The following SORCS3 variants were observed in gnomAD, a reference collection of about 807,000 sequenced individuals.
SORCS3 encodes the protein sortilin related VPS10 domain containing receptor 3, also known as VPS10 domain-containing receptor SorCS3.
In SORCS3, 57 loss-of-function variants were observed where a neutral mutation model predicts 146.3. The observed-to-expected ratio is 0.39, with a 90% CI of 0.31 to 0.49. The LOEUF is 0.49. SORCS3 is among the 20% of genes least tolerant of loss of function. SORCS3 has a pLI of 0.92. For synonymous variants in SORCS3, 653 were observed against 618.5 expected (o/e 1.06, Z -0.83); for missense variants, 1,341 against 1,575.5 (o/e 0.85, Z 2.52).
At chr10:105,182,828 A>T (rs2056451246) in intron 14 of SORCS3, among the ~76,000 whole-genome samples, 1 of 151,832 alleles carries the variant, frequency 6.6e-6, no homozygotes, top group Non-Finnish European at 1.5e-5. Flanking sequence ...TCAGCCTCCC[A>T]AGTAGCTGGG....
At chr10:105,076,440 A>G (rs775397117) in intron 5 of SORCS3, among the ~76,000 whole-genome samples, 1 of 152,148 alleles carries the variant, frequency 6.6e-6, no homozygotes, top group Non-Finnish European at 1.5e-5. Context: ...AGTCGTCTCT[A>G]TGGCCTTTAT....
intron 4 of SORCS3, among the ~76,000 whole-genome samples, chr10:104,978,542 A>C (rs971286361): frequency 5.3e-5 from 8 of 152,174 alleles, no homozygotes; most frequent in Non-Finnish European, 8.8e-5. Context: ...TTTAATTGCA[A>C]AATTAGAAAC....
intron 3 of SORCS3, among the ~76,000 whole-genome samples, chr10:104,970,480 G>A (rs1251102350): frequency 5.3e-5 from 8 of 152,070 alleles, no homozygotes; most frequent in Admixed American, 5.2e-4. Context: ...CAAACTCTGC[G>A]AGCACCACAG....
chr10:104,670,487 C>T (rs745570324), intron 1 of SORCS3, among the ~76,000 whole-genome samples: 6 of 152,136 alleles, frequency 3.9e-5, no homozygotes, highest in Non-Finnish European at 8.8e-5. Flanking sequence ...TCTCAAAAAT[C>T]ATTTGACCAT....
At position 104,945,189 on chromosome 10, in the gene SORCS3, T is replaced by G. The variant is rs563019657; in HGVS notation, c.795+29257T>G. On this transcript the variant is annotated intron_variant, in intron 3 of 26. Coordinates refer to ENST00000369701, the MANE Select transcript of SORCS3 (RefSeq NM_014978.3). ...AATAGAAGAGCATTGTGGTTACTTT[T>G]GGGAGAGAGGACATACAAGGAGGGT... Among the ~76,000 whole-genome samples the G allele has an allele frequency of 1.0e-3, 156 of 152,328 alleles. 1 individual carries two copies. The highest frequency in any genetic ancestry group is 1.8e-3 in the Non-Finnish European group (124 of 68,034).
intron 4 of SORCS3, among the ~76,000 whole-genome samples, chr10:105,001,429 G>C (rs1297858031): frequency 2.0e-5 from 3 of 152,224 alleles, no homozygotes; most frequent in Admixed American, 2.0e-4. Flanking sequence ...TGTCTAAGTG[G>C]TTCTTTGAAG....
At chr10:104,830,365 G>T (rs2017986708) in intron 1 of SORCS3, among the ~76,000 whole-genome samples, 1 of 152,172 alleles carries the variant, frequency 6.6e-6, no homozygotes, top group Admixed American at 6.6e-5. Flanking sequence ...GTCACTGCAG[G>T]AACCATCACG....
intron 4 of SORCS3, among the ~76,000 whole-genome samples, chr10:105,025,837 A>AC (rs2055224875): frequency 1.5e-5 from 2 of 135,418 alleles, no homozygotes; most frequent in Admixed American, 7.6e-5. Flanking sequence ...TGTCTTCTCA[A>AC]ACACACACAC....
At chr10:105,009,776 T>G (rs1589592386) in intron 4 of SORCS3, among the ~76,000 whole-genome samples, 1 of 152,180 alleles carries the variant, frequency 6.6e-6, no homozygotes, top group Admixed American at 6.5e-5. Flanking sequence ...TTTCAAAAAC[T>G]GAAGGAAAAC....
At chr10:104,758,447 A>G (rs1029961952) in intron 1 of SORCS3, among the ~76,000 whole-genome samples, 1 of 152,200 alleles carries the variant, frequency 6.6e-6, no homozygotes, top group Non-Finnish European at 1.5e-5. Flanking sequence ...GTCACCCAGT[A>G]TAAAGTATGG....
At chr10:104,995,568 A>G (rs1589584924) in intron 4 of SORCS3, among the ~76,000 whole-genome samples, 3 of 151,962 alleles carry the variant, frequency 2.0e-5, no homozygotes, top group Non-Finnish European at 2.9e-5. Flanking sequence ...TTTTCTATCT[A>G]TATGTTTTCT....
intron 6 of SORCS3, among the ~76,000 whole-genome samples, chr10:105,091,443 G>A (rs148375439): frequency 4.3e-4 from 2 of 4,604 alleles, no homozygotes; most frequent in Admixed American, 3.5e-3. Flanking sequence ...TCCTTCCTTC[G>A]TTCCTTCCTT....
At chr10:104,939,687 G>A (rs1240658381) in intron 3 of SORCS3, among the ~76,000 whole-genome samples, 1 of 152,114 alleles carries the variant, frequency 6.6e-6, no homozygotes, top group Non-Finnish European at 1.5e-5. Context: ...CTCAGAAAAT[G>A]AATTTCTTGA....
chr10:105,152,751 A>G (rs1489628546), intron 9 of SORCS3, among the ~76,000 whole-genome samples: 1 of 152,202 alleles, frequency 6.6e-6, no homozygotes, highest in East Asian at 1.9e-4. Flanking sequence ...TTTGGATTGC[A>G]CAGTCGTAAA....
At chr10:104,891,830 C>T (rs2018752505) in intron 2 of SORCS3, among the ~76,000 whole-genome samples, 1 of 152,134 alleles carries the variant, frequency 6.6e-6, no homozygotes. Flanking sequence ...ATCCAGATTT[C>T]TTTCTTCCAG....
chr10:104,944,823 G>A (rs2019353462), intron 3 of SORCS3, among the ~76,000 whole-genome samples: 1 of 152,128 alleles, frequency 6.6e-6, no homozygotes, highest in African/African-American at 2.4e-5. Flanking sequence ...CACACCCTGT[G>A]ACCCAGCAAT....
rs543561817 is a variant in SORCS3, at chr10:104,878,397, G to C, written c.695+35538G>C. Among the ~76,000 whole-genome samples the C allele has an allele frequency of 3.3e-5, 5 of 152,256 alleles. No homozygotes were observed. The South Asian group carries it at 1.0e-3, about 32-fold the overall frequency. On this transcript the variant is annotated intron_variant, in intron 2 of 26. Transcript: ENST00000369701. ...GGAGGATGATAGGGGTGGGGCTATG[G>C]AGAATTTCATTATATAAGCATTTTG...
intron 1 of SORCS3, among the ~76,000 whole-genome samples, chr10:104,801,438 T>G (rs2017622775): frequency 6.6e-6 from 1 of 152,230 alleles, no homozygotes; most frequent in Admixed American, 6.5e-5. Flanking sequence ...GAATGTCTAC[T>G]TATCAGTGTA....
At chr10:105,129,022 A>C (rs1186572663) in intron 7 of SORCS3, among the ~76,000 whole-genome samples, 1 of 152,162 alleles carries the variant, frequency 6.6e-6, no homozygotes, top group African/African-American at 2.4e-5. Flanking sequence ...ATAAAATCAC[A>C]GATGTTACAA....
Sources: gnomAD v4.1 joint callset for allele counts (sites outside exome capture counted in the v4.1 genomes callset) on GRCh38, gnomAD v4.1.1 for gene constraint, MANE v1.5 for transcripts, NCBI Gene and HGNC (gene_info 2026-07-23, HGNC 2026-07-21) for gene names.